RIMS1: variants seen among roughly 807,000 people sequenced by gnomAD.
RIMS1 encodes the protein regulating synaptic membrane exocytosis 1.
Under a neutral mutation model 214.1 loss-of-function variants are expected in RIMS1, and 83 were observed. The observed-to-expected ratio is 0.39, with a 90% CI of 0.32 to 0.47. The LOEUF (loss-of-function observed/expected upper bound fraction) is 0.47. Among genes scored for constraint, RIMS1 ranks in the 20% least tolerant of loss-of-function variants. The pLI is 0.99. For synonymous variants in RIMS1, 793 were observed against 786.8 expected, an observed-to-expected ratio of 1.01 and a Z score of -0.13; for missense variants, 2,050 against 2,161.8, an observed-to-expected ratio of 0.95 and a Z score of 1.03.
At chr6:72,207,327 C>A (rs1008411269) in intron 6 of RIMS1, among the ~76,000 whole-genome samples, 8 of 152,162 alleles carry the variant, frequency 5.3e-5, no homozygotes, top group African/African-American at 1.9e-4. Flanking sequence ...GACATACGCT[C>A]CTGTGTAGCA....
chr6:72,165,435 A>G (rs17781768), intron 4 of RIMS1, among the ~76,000 whole-genome samples: 7,805 of 152,060 alleles, frequency 0.051, 286 homozygotes, highest in Middle Eastern at 0.099. Context: ...TTATCTCTGT[A>G]TCTCCTGTGG....
chr6:72,163,854 A>T lies in RIMS1; in HGVS notation c.472-15721A>T, dbSNP rs547898699. Among the ~76,000 whole-genome samples the T allele has an allele frequency of 2.2e-3, 328 of 151,928 alleles. 2 individuals carry two copies. The highest frequency in any genetic ancestry group is 7.5e-3 in the African/African-American group (312 of 41,382). On this transcript the variant is annotated intron_variant, in intron 4 of 33. Transcript: ENST00000521978. Reference sequence around the variant, plus strand: ...TCGGTGGTCAGGGACCCACTTGAGGATGCAGTCTGTCCGTTCTCAGATCTC... The same window carrying T: ...TCGGTGGTCAGGGACCCACTTGAGGTTGCAGTCTGTCCGTTCTCAGATCTC...
intron 1 of RIMS1, among the ~76,000 whole-genome samples, chr6:71,946,556 T>G (rs1261048264): frequency 6.6e-6 from 1 of 152,132 alleles, no homozygotes; most frequent in African/African-American, 2.4e-5. Flanking sequence ...CAATAAATGG[T>G]GCTGGGAAAC....
intron 6 of RIMS1, among the ~76,000 whole-genome samples, chr6:72,226,113 G>T (rs891620732): frequency 1.4e-4 from 22 of 151,994 alleles, no homozygotes; most frequent in African/African-American, 5.3e-4. Flanking sequence ...TAATCCTAAG[G>T]CACTAAGTTG....
At chr6:72,332,042 T>C (rs919674345) in intron 28 of RIMS1, among the ~76,000 whole-genome samples, 1 of 151,850 alleles carries the variant, frequency 6.6e-6, no homozygotes, top group Non-Finnish European at 1.5e-5. Flanking sequence ...ACTCACCTCA[T>C]ACCAATTTCT....
chr6:71,957,384 T>A (rs1437084791), intron 1 of RIMS1, among the ~76,000 whole-genome samples: 2 of 152,198 alleles, frequency 1.3e-5, no homozygotes, highest in Non-Finnish European at 2.9e-5. Context: ...TAAACATTTT[T>A]AAAATAATAT....
chr6:72,231,350 A>G (rs1471253406), intron 6 of RIMS1, among the ~76,000 whole-genome samples: 1 of 151,584 alleles, frequency 6.6e-6, no homozygotes, highest in Non-Finnish European at 1.5e-5. Flanking sequence ...GAAATTAGTG[A>G]TAAGAAAACT....
At chr6:72,042,901 G>T (rs990037965) in intron 2 of RIMS1, among the ~76,000 whole-genome samples, 2 of 151,712 alleles carry the variant, frequency 1.3e-5, no homozygotes, top group African/African-American at 4.8e-5. Flanking sequence ...TAAGTATTCC[G>T]TGAAATTAGT....
At chr6:72,087,357 G>A (rs1293004218) in intron 2 of RIMS1, among the ~76,000 whole-genome samples, 4 of 152,082 alleles carry the variant, frequency 2.6e-5, no homozygotes, top group African/African-American at 4.8e-5. Flanking sequence ...TTTAAGATTA[G>A]GAAACAAAAG....
In RIMS1 at chr6:72,376,038, G is replaced by GA. The variant is rs531860423; in HGVS notation, c.4367-14554dup. On this transcript the variant is annotated intron_variant, in intron 29 of 33. Coordinates refer to ENST00000521978, the MANE Select transcript of RIMS1 (RefSeq NM_014989.7). ...CTTTTTCATGAAAATTCTGAAGTTA[G>GA]AAAAAAGACTATATGATTTCCAATA... Among the ~76,000 whole-genome samples, 47 of 152,158 alleles carry GA rather than the reference G, an allele frequency of 3.1e-4. No individual in the cohort carries two copies. In the East Asian group the frequency reaches 9.1e-3, roughly 29 times the overall value.
chr6:72,317,071 A>G, intron 28 of RIMS1: 1 of 347,258 alleles, frequency 2.9e-6, no homozygotes. Flanking sequence ...AGAGGAGGGC[A>G]GGGGTGGGGT....
At chr6:72,378,904 G>T (rs1051182736) in intron 29 of RIMS1, among the ~76,000 whole-genome samples, 4 of 152,110 alleles carry the variant, frequency 2.6e-5, no homozygotes, top group Non-Finnish European at 5.9e-5. Context: ...TGCCATGAGG[G>T]TATTTAATAA....
At chr6:72,385,368 A>G (rs1184744289) in intron 29 of RIMS1, among the ~76,000 whole-genome samples, 1 of 152,258 alleles carries the variant, frequency 6.6e-6, no homozygotes, top group African/African-American at 2.4e-5. Context: ...GCAGATAATT[A>G]TACATTTGTG....
At chr6:72,066,900 C>T (rs932445350) in intron 2 of RIMS1, among the ~76,000 whole-genome samples, 5 of 152,102 alleles carry the variant, frequency 3.3e-5, no homozygotes, top group African/African-American at 4.8e-5. Flanking sequence ...TAAAACTTCT[C>T]TTTCATTCAT....
At chr6:72,055,710 T>A (rs373321739) in intron 2 of RIMS1, among the ~76,000 whole-genome samples, 9 of 152,290 alleles carry the variant, frequency 5.9e-5, no homozygotes, top group Middle Eastern at 6.8e-3. Context: ...AAAATCATAA[T>A]GAGATATCAT....
At chr6:72,209,962 A>T (rs4707967) in intron 6 of RIMS1, among the ~76,000 whole-genome samples, 147,673 of 151,170 alleles carry the variant, frequency 0.98, 72,211 homozygotes, top group East Asian at 1. Context: ...TTGCCTCCAT[A>T]TGATTATGTA....
intron 30 of RIMS1, among the ~76,000 whole-genome samples, chr6:72,392,013 G>A (rs2154441641): frequency 6.6e-6 from 1 of 152,320 alleles, no homozygotes; most frequent in Admixed American, 6.5e-5. Context: ...GAAAGAGTAA[G>A]TCTCTATAGA....
chr6:72,053,371 A>G (rs1394598227), intron 2 of RIMS1, among the ~76,000 whole-genome samples: 2 of 152,218 alleles, frequency 1.3e-5, no homozygotes, highest in African/African-American at 4.8e-5. Context: ...AAGAAAACAG[A>G]GAATCAGTAG....
In RIMS1 at chr6:72,261,354, A is replaced by G. The variant is rs2077915892; in HGVS notation, c.3116+587A>G. The G allele has an allele frequency of 1.2e-5, 12 of 988,322 alleles. No individual in the cohort carries two copies. The South Asian group carries it at 5.1e-4, about 42-fold the overall frequency. The allele number at this position is 988,322 out of a possible 1,614,324, so 61.2% of individuals were successfully genotyped here. ...CACCAGTTGTCAGAAATGCTGCAGT[A>G]CAAACTTTCCCACAAAGGCATATAA... On this transcript the variant is annotated intron_variant, in intron 19 of 33. Transcript: ENST00000521978.
Sources: allele counts gnomAD v4.1 joint callset (sites outside exome capture counted in the v4.1 genomes callset), GRCh38; gene constraint gnomAD v4.1.1; transcripts MANE v1.5; gene names NCBI Gene and HGNC (gene_info 2026-07-23, HGNC 2026-07-21).